The following POT1 variants were observed in gnomAD, a reference collection of about 807,000 sequenced individuals.
POT1 encodes protection of telomeres 1.
A neutral mutation model predicts 78.5 loss-of-function variants in POT1; 47 were observed. The observed-to-expected ratio is 0.60, with a 90% CI of 0.47 to 0.76. POT1 has a LOEUF of 0.76. Among genes scored for constraint, POT1 ranks in the 30% least tolerant of loss-of-function variants. The probability of loss-of-function intolerance (pLI) is 0.00; values close to 1 mark genes in which losing one functional copy is unlikely to be tolerated. For synonymous variants in POT1, 259 were observed against 260.7 expected, an observed-to-expected ratio of 0.99 and a Z score of 0.06; for missense variants, 646 against 749.9, an observed-to-expected ratio of 0.86 and a Z score of 1.62.
intron 3 of POT1, among the ~76,000 whole-genome samples, chr7:124,914,075 C>T (rs1289899333): frequency 6.9e-6 from 1 of 144,202 alleles, no homozygotes; most frequent in Admixed American, 7.4e-5. Flanking sequence ...GCAGAGGTTG[C>T]AGTGAGCCAA....
chr7:124,920,812 G>A (rs1797130904), intron 2 of POT1, among the ~76,000 whole-genome samples: 1 of 151,990 alleles, frequency 6.6e-6, no homozygotes, highest in Non-Finnish European at 1.5e-5. Context: ...GTTAAAATTG[G>A]ACAGGGGCAA....
At chr7:124,910,116 TA>T (rs1159694778) in intron 3 of POT1, among the ~76,000 whole-genome samples, 1 of 151,800 alleles carries the variant, frequency 6.6e-6, no homozygotes, top group African/African-American at 2.4e-5. Context: ...GGAAGGGTAC[TA>T]AAAAAAGCAT....
intron 6 of POT1, among the ~76,000 whole-genome samples, chr7:124,882,255 C>CTGCTGTTTTT (rs1796136133): frequency 6.6e-6 from 1 of 151,926 alleles, no homozygotes; most frequent in Non-Finnish European, 1.5e-5. Context: ...GTTTTTAAAC[C>CTGCTGTTTTT]AATCAGTATT....
chr7:124,850,538 T>C (rs1759409275), intron 11 of POT1, among the ~76,000 whole-genome samples: 1 of 152,166 alleles, frequency 6.6e-6, no homozygotes, highest in South Asian at 2.1e-4. Flanking sequence ...CCATACTGGC[T>C]AACACAGTGA....
At chr7:124,833,192 T>C (rs1794811477) in intron 15 of POT1, among the ~76,000 whole-genome samples, 1 of 152,130 alleles carries the variant, frequency 6.6e-6, no homozygotes, top group South Asian at 2.1e-4. Context: ...TAAAAACAGC[T>C]ATAACACAGA....
At chr7:124,915,212 C>G (rs993287629) in intron 3 of POT1, among the ~76,000 whole-genome samples, 13 of 152,170 alleles carry the variant, frequency 8.5e-5, no homozygotes, top group African/African-American at 3.1e-4. Context: ...CAACCACAGG[C>G]TTCAGATGAG....
At chr7:124,840,925 A>C (rs1430890689) in intron 14 of POT1, 48 bp downstream of exon 14, 1 of 1,413,302 alleles carries the variant, frequency 7.1e-7, no homozygotes, top group Non-Finnish European at 9.9e-7. Flanking sequence ...AATTAGGAAA[A>C]ATATGCAAAA....
Position 124,892,348 on chromosome 7 carries a change from C to G in POT1, c.42G>C (p.Leu14=). 1 of 1,518,236 alleles carries G rather than the reference C, an allele frequency of 6.6e-7. No homozygotes were observed. The highest frequency in any genetic ancestry group is 1.3e-5 in the South Asian group (1 of 75,818). 94.0% of individuals were successfully genotyped at this position (1,518,236 alleles called of 1,614,324 possible). The change falls in exon 6 of 19, where the codon CTG becomes CTC. Residue 14 remains leucine (L), a synonymous_variant. Coordinates refer to ENST00000357628, the MANE Select transcript of POT1 (RefSeq NM_015450.3). ...CAATTGTACCACCCTTAAGTTGATT[C>G]AGGGGTGTATATATATAATTTGTTG... ...VPATNYIYTP[L]NQLKGGTIVN...
At chr7:124,904,306 T>C (rs1256791743) in intron 3 of POT1, among the ~76,000 whole-genome samples, 2 of 150,336 alleles carry the variant, frequency 1.3e-5, no homozygotes, top group African/African-American at 4.9e-5. Context: ...CAGAATCAAG[T>C]TGGCTTCATC....
At chr7:124,851,340 TA>T (rs1387949482) in intron 11 of POT1, among the ~76,000 whole-genome samples, 1 of 151,966 alleles carries the variant, frequency 6.6e-6, no homozygotes, top group Admixed American at 6.6e-5. Context: ...GACAAAGTGG[TA>T]AAGGAAAAAA....
chr7:124,888,798 T>C (rs1312400142), intron 6 of POT1, among the ~76,000 whole-genome samples: 1 of 151,992 alleles, frequency 6.6e-6, no homozygotes, highest in Non-Finnish European at 1.5e-5. Context: ...ATTACTATTA[T>C]AATTGTTTTG....
At chr7:124,909,899 T>A (rs1796851903) in intron 3 of POT1, among the ~76,000 whole-genome samples, 1 of 151,940 alleles carries the variant, frequency 6.6e-6, no homozygotes, top group African/African-American at 2.4e-5. Flanking sequence ...ATTTAAAATA[T>A]AAACAAATTG....
At chr7:124,897,906 G>GA (rs1245451183) in intron 4 of POT1, among the ~76,000 whole-genome samples, 2 of 151,814 alleles carry the variant, frequency 1.3e-5, no homozygotes, top group Non-Finnish European at 2.9e-5. Flanking sequence ...GTAGGAGAAG[G>GA]AAAAAATCCG....
intron 15 of POT1, among the ~76,000 whole-genome samples, chr7:124,831,049 C>T (rs957925643): frequency 3.9e-5 from 6 of 152,022 alleles, no homozygotes; most frequent in African/African-American, 9.7e-5. Flanking sequence ...CTGATAAACA[C>T]GGGGGCTGCT....
chr7:124,908,420 C>T (rs970061552), intron 3 of POT1, among the ~76,000 whole-genome samples: 8 of 151,960 alleles, frequency 5.3e-5, no homozygotes, highest in African/African-American at 1.9e-4. Flanking sequence ...GATTTGACCC[C>T]TACCCACCTC....
In POT1 at chr7:124,912,166, G is replaced by T. The variant is rs552855129; in HGVS notation, c.-154+3408C>A. Among the ~76,000 whole-genome samples, 29 of 151,948 alleles carry T rather than the reference G, an allele frequency of 1.9e-4. No homozygotes were observed. The South Asian group carries it at 5.0e-3, about 26-fold the overall frequency. Reference sequence around the variant, plus strand: ...GCTATGTACTGAGTTCCCACTATGTGCTAGTAGTGGCTATATTCTGTCTTG... The same window carrying T: ...GCTATGTACTGAGTTCCCACTATGTTCTAGTAGTGGCTATATTCTGTCTTG... On this transcript the variant is annotated intron_variant, in intron 3 of 18. Coordinates refer to ENST00000357628, the MANE Select transcript of POT1 (RefSeq NM_015450.3).
chr7:124,877,212 C>T (rs969763783), intron 6 of POT1, among the ~76,000 whole-genome samples: 5 of 152,140 alleles, frequency 3.3e-5, no homozygotes, highest in South Asian at 2.1e-4. Context: ...ACTGGGGTTA[C>T]TAAAAAGACA....
intron 3 of POT1, among the ~76,000 whole-genome samples, chr7:124,903,433 A>AT (rs1415321299): frequency 6.6e-6 from 1 of 152,260 alleles, no homozygotes; most frequent in East Asian, 1.9e-4. Flanking sequence ...TACTGGGTAC[A>AT]TAACAAAATG....
At chr7:124,894,670 T>C (rs1324638080) in intron 5 of POT1, among the ~76,000 whole-genome samples, 14 of 151,608 alleles carry the variant, frequency 9.2e-5, no homozygotes. Context: ...GGTAATTAAA[T>C]TTACATGATT....
Sources: allele counts gnomAD v4.1 joint callset (sites outside exome capture counted in the v4.1 genomes callset), GRCh38; gene constraint gnomAD v4.1.1; transcripts MANE v1.5; gene names NCBI Gene and HGNC (gene_info 2026-07-23, HGNC 2026-07-21).